Variants in INSC observed in about 807,000 individuals in gnomAD.
The protein encoded by INSC is protein inscuteable homolog.
INSC carries 67 observed loss-of-function variants against 58.6 expected under a neutral mutation model. The ratio of observed to expected loss-of-function variants is 1.14; its 90% CI spans 0.94 to 1.40. The LOEUF (loss-of-function observed/expected upper bound fraction) is 1.40, where lower values mean the gene tolerates loss of function less well. Ranked by LOEUF, INSC falls within the 40% of genes most tolerant of loss-of-function variation. The pLI is 0.00. For missense variants in INSC, 714 were observed against 692.0 expected, an observed-to-expected ratio of 1.03 and a Z score of -0.36; for synonymous variants, 262 against 276.1, an observed-to-expected ratio of 0.95 and a Z score of 0.51.
chr11:15,118,323 G>A (rs1420013190), intron 1 of INSC, among the ~76,000 whole-genome samples: 1 of 152,172 alleles, frequency 6.6e-6, no homozygotes, highest in Non-Finnish European at 1.5e-5. Flanking sequence ...TGCAAAGTTG[G>A]TGAAACTTCT....
intron 1 of INSC, among the ~76,000 whole-genome samples, chr11:15,139,029 A>G (rs1435159861): frequency 6.6e-6 from 1 of 152,244 alleles, no homozygotes; most frequent in Non-Finnish European, 1.5e-5. Context: ...TCATTTGCTC[A>G]AGGCTTTAGA....
At chr11:15,213,663 T>G (rs983756759) in intron 7 of INSC, among the ~76,000 whole-genome samples, 7 of 152,188 alleles carry the variant, frequency 4.6e-5, no homozygotes, top group African/African-American at 1.7e-4. Context: ...TAATTACTCA[T>G]CCCTGCTTTC....
chr11:15,253,504 C>T, the INSC span, among the ~76,000 whole-genome samples: 2 of 151,972 alleles, frequency 1.3e-5, no homozygotes, highest in South Asian at 4.2e-4. Flanking sequence ...TTTTGTAACA[C>T]CCACAAACTC....
chr11:15,185,469 G>A (rs1175928316), intron 5 of INSC, among the ~76,000 whole-genome samples: 2 of 151,932 alleles, frequency 1.3e-5, no homozygotes, highest in Admixed American at 6.5e-5. Context: ...AATTTATAAT[G>A]TATTTATTTC....
chr11:15,169,273 A>G (rs1714368), intron 2 of INSC, among the ~76,000 whole-genome samples: 128,852 of 152,120 alleles, frequency 0.85, 54,682 homozygotes, highest in East Asian at 0.99. Flanking sequence ...ACAGATGATG[A>G]GGGCCCGACT....
At chr11:15,210,409 G>GCTACAGACA (rs1850974321) in intron 7 of INSC, among the ~76,000 whole-genome samples, 2 of 152,068 alleles carry the variant, frequency 1.3e-5, no homozygotes, top group African/African-American at 4.8e-5. Flanking sequence ...TGTTCTGTGG[G>GCTACAGACA]TTTGGGTTGT....
chr11:15,229,972 A>G (rs1473961189), intron 9 of INSC, among the ~76,000 whole-genome samples: 2 of 13,676 alleles, frequency 1.5e-4, no homozygotes, highest in African/African-American at 4.6e-4. Flanking sequence ...ATATATATAT[A>G]TATATATTAT....
At chr11:15,194,862 G>A (rs994265865) in intron 6 of INSC, among the ~76,000 whole-genome samples, 2 of 152,284 alleles carry the variant, frequency 1.3e-5, no homozygotes, top group South Asian at 4.1e-4. Context: ...TCAGGTCCTT[G>A]AGCCAAAGTG....
At chr11:15,251,858 T>A (rs914080705), downstream of INSC, among the ~76,000 whole-genome samples, 1 of 152,210 alleles carries the variant, frequency 6.6e-6, no homozygotes, top group African/African-American at 2.4e-5. Context: ...AGTTATCATA[T>A]GGCCCAGCAA....
intron 6 of INSC, among the ~76,000 whole-genome samples, chr11:15,193,601 G>A (rs938051614): frequency 6.6e-6 from 1 of 152,174 alleles, no homozygotes; most frequent in East Asian, 1.9e-4. Flanking sequence ...CTTCATCCAT[G>A]TCGCTACAAA....
intron 10 of INSC, among the ~76,000 whole-genome samples, chr11:15,238,503 C>T (rs749553568): frequency 1.1e-4 from 16 of 152,072 alleles, no homozygotes; most frequent in East Asian, 1.9e-4. Context: ...ATTTTAATAG[C>T]GGCTCCCCCA....
intron 7 of INSC, among the ~76,000 whole-genome samples, chr11:15,218,580 A>G (rs570262557): frequency 6.6e-6 from 1 of 152,154 alleles, no homozygotes; most frequent in African/African-American, 2.4e-5. Flanking sequence ...ATATATGTAC[A>G]TATATATATT....
At chr11:15,204,826 G>A (rs1278131788) in intron 7 of INSC, among the ~76,000 whole-genome samples, 2 of 152,214 alleles carry the variant, frequency 1.3e-5, no homozygotes, top group African/African-American at 4.8e-5. Flanking sequence ...TGGGAAACGT[G>A]CTGGATTTGG....
Position 15,190,707 on chromosome 11 carries a change from G to T in INSC, c.586G>T (p.Val196Leu), listed in dbSNP as rs1386739887. The T allele has an allele frequency of 6.2e-7, 1 of 1,612,360 alleles. No homozygotes were observed. Among genetic ancestry groups the T allele is most frequent in the Admixed American group, 1.7e-5 (1 of 59,990 alleles). The change falls in exon 6 of 13, where the codon GTG becomes TTG. Residue 196 changes from valine (V) to leucine (L), a missense_variant. Physicochemically the swap from Val to Leu is conservative, Grantham distance 32 (BLOSUM62 1). Coordinates refer to ENST00000379556, the MANE Select transcript of INSC (RefSeq NM_001042536.3). ...CTTTTCTCTCTCTTCTTAGGCACTG[G>T]TGAGAAAAATTGATGCCTCAGACAA... is the stretch of plus-strand genomic sequence containing the variant. ...LALTREVQALVRKIDASDNIY... is the reference protein window; with the variant it reads ...LALTREVQALLRKIDASDNIY...
At chr11:15,194,240 C>A (rs1213327633) in intron 6 of INSC, among the ~76,000 whole-genome samples, 1 of 152,154 alleles carries the variant, frequency 6.6e-6, no homozygotes, top group Non-Finnish European at 1.5e-5. Context: ...TATGACATCA[C>A]CATTGGAGAC....
chr11:15,226,028 C>G (rs568300929), intron 9 of INSC, among the ~76,000 whole-genome samples, 200 bp downstream of exon 9: 3 of 152,114 alleles, frequency 2.0e-5, no homozygotes, highest in African/African-American at 7.2e-5. Context: ...TTTGCCCATC[C>G]CATTATGAGC....
At chr11:15,128,122 GA>G (rs940858476) in intron 1 of INSC, among the ~76,000 whole-genome samples, 7 of 147,062 alleles carry the variant, frequency 4.8e-5, no homozygotes, top group African/African-American at 7.5e-5. Flanking sequence ...GTACAGAGTT[GA>G]AAAAAAAAAC....
intron 1 of INSC, among the ~76,000 whole-genome samples, chr11:15,124,842 C>T (rs1847953566): frequency 6.6e-6 from 1 of 152,142 alleles, no homozygotes; most frequent in Non-Finnish European, 1.5e-5. Context: ...CTGAAGGTTG[C>T]AAGGGTCTAA....
chr11:15,165,285 G>T (rs768499596), intron 2 of INSC, among the ~76,000 whole-genome samples: 2 of 152,104 alleles, frequency 1.3e-5, no homozygotes, highest in South Asian at 2.1e-4. Flanking sequence ...AGTAAAAAAG[G>T]TTTGATGATA....
Sources: gnomAD v4.1 joint callset for allele counts (sites outside exome capture counted in the v4.1 genomes callset) on GRCh38, gnomAD v4.1.1 for gene constraint, MANE v1.5 for transcripts, NCBI Gene and HGNC (gene_info 2026-07-23, HGNC 2026-07-21) for gene names.